The following CNTN4 variants were observed in gnomAD, a reference collection of about 807,000 sequenced individuals.
CNTN4 encodes the protein contactin-4.
In CNTN4, 77 loss-of-function variants were observed where a neutral mutation model predicts 122.5. That is an observed-to-expected ratio of 0.63 (90% CI 0.52 to 0.76). The LOEUF (loss-of-function observed/expected upper bound fraction) is 0.76, where lower values mean the gene tolerates loss of function less well. CNTN4 is among the 30% of genes least tolerant of loss of function. The pLI is 0.00. For missense variants in CNTN4, 1,256 were observed against 1,259.1 expected, an observed-to-expected ratio of 1.00 and a Z score of 0.04; for synonymous variants, 512 against 447.0, an observed-to-expected ratio of 1.15 and a Z score of -1.83.
intron 8 of CNTN4, among the ~76,000 whole-genome samples, chr3:2,873,626 T>C (rs2093811027): frequency 1.3e-5 from 2 of 152,214 alleles, no homozygotes; most frequent in Admixed American, 1.3e-4. Flanking sequence ...CTGTAAACTT[T>C]CCTAATACTG....
chr3:2,634,158 C>G (rs2082558575), intron 4 of CNTN4, among the ~76,000 whole-genome samples: 2 of 152,284 alleles, frequency 1.3e-5, no homozygotes, highest in Non-Finnish European at 2.9e-5. Flanking sequence ...GTATTAGCTT[C>G]CACTCTGTAG....
In CNTN4 at chr3:3,010,074, C is replaced by T. The variant is rs1174009329; in HGVS notation, c.1487-16028C>T. 2.0e-5 allele frequency among the ~76,000 whole-genome samples: 3 copies of T among 152,096 alleles called. 1 individual carries two copies. Among genetic ancestry groups the T allele is most frequent in the Admixed American group, 1.3e-4 (2 of 15,286 alleles). ...GAGAATCTCAGCTTCACTGTATGAA[C>T]ACTCACTAAATCCCTGCTATCCTCA... On this transcript the variant is annotated intron_variant, in intron 14 of 24. Coordinates refer to ENST00000418658, the MANE Select transcript of CNTN4 (RefSeq NM_175607.3).
At chr3:2,224,874 G>C (rs2039208815) in intron 2 of CNTN4, among the ~76,000 whole-genome samples, 2 of 152,176 alleles carry the variant, frequency 1.3e-5, no homozygotes, top group East Asian at 3.9e-4. Flanking sequence ...GTTTGGGTCG[G>C]GCGCGGTGGC....
intron 6 of CNTN4, 99 bp downstream of exon 6, chr3:2,745,796 T>A: frequency 9.4e-7 from 1 of 1,058,458 alleles, no homozygotes; most frequent in Non-Finnish European, 1.4e-6. Context: ...GACTAGATTT[T>A]AATTGGTTAC....
At chr3:2,750,789 G>A (rs191870865) in intron 6 of CNTN4, among the ~76,000 whole-genome samples, 1 of 152,074 alleles carries the variant, frequency 6.6e-6, no homozygotes, top group African/African-American at 2.4e-5. Context: ...TGAAATAATG[G>A]TTGCTGAATG....
intron 3 of CNTN4, among the ~76,000 whole-genome samples, chr3:2,341,711 A>G (rs2044217078): frequency 6.6e-6 from 1 of 152,270 alleles, no homozygotes; most frequent in Non-Finnish European, 1.5e-5. Flanking sequence ...TTTGATTTAC[A>G]TAATAGCTCT....
chr3:2,944,645 G>A (rs1388421053), intron 13 of CNTN4, among the ~76,000 whole-genome samples: 1 of 152,146 alleles, frequency 6.6e-6, no homozygotes, highest in Non-Finnish European at 1.5e-5. Flanking sequence ...GATAGCCTCT[G>A]CCTTTATTTA....
In CNTN4 at chr3:2,224,860, T is replaced by C. The variant is rs1000496595; in HGVS notation, c.-144-114318T>C. Among the ~76,000 whole-genome samples the C allele has an allele frequency of 2.6e-5, 4 of 152,112 alleles. No homozygotes were observed. The South Asian group carries it at 8.3e-4, about 32-fold the overall frequency. On this transcript the variant is annotated intron_variant, in intron 2 of 24. Coordinates refer to ENST00000418658, the MANE Select transcript of CNTN4 (RefSeq NM_175607.3). ...AGCCATAAAATGATATTAGAAGTAC[T>C]AAGGTTTGGGTCGGGCGCGGTGGCT...
chr3:2,339,753 G>T (rs919880436), intron 3 of CNTN4, among the ~76,000 whole-genome samples: 5 of 148,650 alleles, frequency 3.4e-5, no homozygotes, highest in Admixed American at 6.7e-5. Flanking sequence ...ACAGTAAAAT[G>T]GTTATGTTTT....
chr3:2,326,501 C>CAA, intron 2 of CNTN4, among the ~76,000 whole-genome samples: 1 of 126,844 alleles, frequency 7.9e-6, no homozygotes, highest in East Asian at 3.3e-4. Context: ...CACACACACA[C>CAA]ACACACACAC....
At chr3:2,124,472 A>ACACACACACACACACACC (rs761202551) in intron 2 of CNTN4, among the ~76,000 whole-genome samples, 2 of 128,062 alleles carry the variant, frequency 1.6e-5, no homozygotes, top group Admixed American at 1.6e-4. Flanking sequence ...ACACACACAC[A>ACACACACACACACACACC]CCCCCTTAAG....
intron 3 of CNTN4, among the ~76,000 whole-genome samples, chr3:2,350,508 A>C (rs1170430832): frequency 6.6e-6 from 1 of 152,210 alleles, no homozygotes; most frequent in African/African-American, 2.4e-5. Context: ...AGGGCCAGGA[A>C]ATTGCTGTAA....
intron 6 of CNTN4, among the ~76,000 whole-genome samples, chr3:2,783,354 T>A (rs754387328): frequency 6.6e-6 from 1 of 152,146 alleles, no homozygotes; most frequent in Non-Finnish European, 1.5e-5. Context: ...TTGAAAAAGG[T>A]CACAGCAGTT....
At chr3:2,293,487 G>A (rs1411988594) in intron 2 of CNTN4, among the ~76,000 whole-genome samples, 1 of 152,112 alleles carries the variant, frequency 6.6e-6, no homozygotes, top group Non-Finnish European at 1.5e-5. Context: ...ACTAACTAAT[G>A]ACTTTAGGCA....
At chr3:2,104,258 G>A (rs1164944272) in intron 2 of CNTN4, among the ~76,000 whole-genome samples, 9 of 86,784 alleles carry the variant, frequency 1.0e-4, no homozygotes, top group East Asian at 2.0e-4. Flanking sequence ...GTGTGTGTGC[G>A]TTTCAAGTCC....
intron 2 of CNTN4, among the ~76,000 whole-genome samples, chr3:2,278,194 A>G (rs2041589290): frequency 6.6e-6 from 1 of 152,258 alleles, no homozygotes; most frequent in African/African-American, 2.4e-5. Flanking sequence ...TCCTCCAAAC[A>G]GACAAACAAA....
intron 4 of CNTN4, among the ~76,000 whole-genome samples, chr3:2,583,189 G>C (rs1337944128): frequency 6.6e-6 from 1 of 152,188 alleles, no homozygotes; most frequent in Non-Finnish European, 1.5e-5. Flanking sequence ...AGAAAGCTTT[G>C]CTCTACTCTT....
intron 4 of CNTN4, among the ~76,000 whole-genome samples, chr3:2,676,962 A>G (rs529677775): frequency 3.7e-4 from 56 of 152,276 alleles, no homozygotes; most frequent in African/African-American, 1.3e-3. Context: ...CAATCTGTAA[A>G]TGAAATCTTC....
rs75715681 is a variant in CNTN4, at chr3:2,145,759, G to T, written c.-145+45120G>T. ...CATTTTCTAAGAGCTTGGCAATCTTGCCCAGCACTTTACGTAGGGTTTCTC... is the reference window on the plus strand; with the variant it reads ...CATTTTCTAAGAGCTTGGCAATCTTTCCCAGCACTTTACGTAGGGTTTCTC... On this transcript the variant is annotated intron_variant, in intron 2 of 24. Coordinates refer to ENST00000418658, the MANE Select transcript of CNTN4 (RefSeq NM_175607.3). 6.0e-3 allele frequency among the ~76,000 whole-genome samples: 913 copies of T among 152,146 alleles called. 7 individuals are homozygous for T. The highest frequency in any genetic ancestry group is 0.021 in the African/African-American group (865 of 41,490).
Sources: allele counts gnomAD v4.1 joint callset (sites outside exome capture counted in the v4.1 genomes callset), GRCh38; gene constraint gnomAD v4.1.1; transcripts MANE v1.5; gene names NCBI Gene and HGNC (gene_info 2026-07-23, HGNC 2026-07-21).